SLC24A1: variants seen among roughly 807,000 people sequenced by gnomAD.
SLC24A1 encodes the protein solute carrier family 24 member 1.
Under a neutral mutation model 88.1 loss-of-function variants are expected in SLC24A1, and 52 were observed. The observed-to-expected ratio is 0.59, with a 90% confidence interval of 0.47 to 0.74. SLC24A1 has a LOEUF of 0.74. SLC24A1 is among the 30% of genes least tolerant of loss of function. The pLI, the probability that SLC24A1 is intolerant of heterozygous loss-of-function variation, is 0.00. For synonymous variants in SLC24A1, 455 were observed against 498.0 expected, an observed-to-expected ratio of 0.91 and a Z score of 1.15; for missense variants, 1,173 against 1,363.3, an observed-to-expected ratio of 0.86 and a Z score of 2.20.
intron 2 of SLC24A1, among the ~76,000 whole-genome samples, chr15:65,635,211 G>T (rs1488124410): frequency 6.6e-6 from 1 of 151,828 alleles, no homozygotes; most frequent in African/African-American, 2.4e-5. Context: ...TTGGCCAGGC[G>T]CAGTGGCTCA....
At position 65,638,132 on chromosome 15, in the gene SLC24A1, G is replaced by A. The variant is rs759802693; in HGVS notation, c.1895G>A (p.Gly632Asp). 1.2e-6 allele frequency: 2 copies of A among 1,609,612 alleles called. No individual in the cohort carries two copies. Among genetic ancestry groups the A allele is most frequent in the Non-Finnish European group, 1.7e-6 (2 of 1,177,756 alleles). Reference protein sequence around the residue: ...VMALEDLSKPGDGAIAVDELQ... With the variant: ...VMALEDLSKPDDGAIAVDELQ... ...GACTCCTCTCCCTGTTTGCAGCCGG[G>A]CGATGGGGCCATTGCGGTGGATGAG... is the stretch of plus-strand genomic sequence containing the variant. Residue 632 changes from glycine to aspartate, a missense_variant, in exon 3 of 10, where the codon GGC (glycine) becomes GAC (aspartate). Coordinates refer to ENST00000261892, the MANE Select transcript of SLC24A1 (RefSeq NM_004727.3).
chr15:65,614,268 A>C (rs896990693), intron 2 of SLC24A1, among the ~76,000 whole-genome samples: 4 of 152,210 alleles, frequency 2.6e-5, no homozygotes, highest in Non-Finnish European at 4.4e-5. Flanking sequence ...ATAACATTTT[A>C]TCCAGGAATA....
At chr15:65,628,828 G>A (rs2074606633) in intron 2 of SLC24A1, among the ~76,000 whole-genome samples, 1 of 152,212 alleles carries the variant, frequency 6.6e-6, no homozygotes, top group African/African-American at 2.4e-5. Flanking sequence ...GAAGGGACAA[G>A]CCTAGAGAAA....
At chr15:65,647,446 C>G (rs2075338653) in intron 6 of SLC24A1, among the ~76,000 whole-genome samples, 1 of 144,006 alleles carries the variant, frequency 6.9e-6, no homozygotes, top group African/African-American at 2.6e-5. Context: ...CCACTACACT[C>G]CAGCCTGGGT....
At chr15:65,652,222 CTA>C (rs1054363309) in intron 8 of SLC24A1, 132 of 302,022 alleles carry the variant, frequency 4.4e-4, no homozygotes, top group African/African-American at 2.7e-3. Context: ...AGATTAGGGT[CTA>C]TGTCATCCTG....
chr15:65,613,887 A>G (rs961196841), intron 2 of SLC24A1, among the ~76,000 whole-genome samples: 3 of 151,990 alleles, frequency 2.0e-5, no homozygotes, highest in African/African-American at 4.8e-5. Flanking sequence ...TCTCTTTTGC[A>G]TTCTTCCCGC....
chr15:65,617,076 G>T (rs2074169668), upstream of SLC24A1, among the ~76,000 whole-genome samples: 1 of 152,090 alleles, frequency 6.6e-6, no homozygotes, highest in Non-Finnish European at 1.5e-5. Context: ...CTGTTCCGTT[G>T]GTCTATATAT....
At chr15:65,630,278 C>G (rs1427894931) in intron 2 of SLC24A1, among the ~76,000 whole-genome samples, 2 of 152,204 alleles carry the variant, frequency 1.3e-5, no homozygotes, top group African/African-American at 4.8e-5. Context: ...GTGTGAGCCA[C>G]CACCACGCCT....
At chr15:65,619,209 C>T (rs1020420559), upstream of SLC24A1, among the ~76,000 whole-genome samples, 1 of 152,184 alleles carries the variant, frequency 6.6e-6, no homozygotes, top group Non-Finnish European at 1.5e-5. Context: ...ACAGCAGTTC[C>T]ATAAGGAAGC....
At chr15:65,656,695 G>A (rs1199012003), downstream of SLC24A1, among the ~76,000 whole-genome samples, 1 of 152,216 alleles carries the variant, frequency 6.6e-6, no homozygotes, top group Non-Finnish European at 1.5e-5. Flanking sequence ...TTGGAAGTCA[G>A]TGGCTACATG....
chr15:65,657,623 A>G (rs544482390), downstream of SLC24A1, among the ~76,000 whole-genome samples: 22 of 152,362 alleles, frequency 1.4e-4, no homozygotes, highest in South Asian at 1.0e-3. Flanking sequence ...CAGCCTGGGC[A>G]ACAGCGAGAC....
intron 2 of SLC24A1, among the ~76,000 whole-genome samples, chr15:65,634,311 G>A (rs553189547): frequency 4.3e-4 from 66 of 152,320 alleles, no homozygotes; most frequent in Non-Finnish European, 6.9e-4. Context: ...TGGAGGTCAG[G>A]AGGACAAGCC....
At chr15:65,645,539 T>G in intron 5 of SLC24A1, 73 bp from the exon 6 acceptor site, 2 of 1,139,250 alleles carry the variant, frequency 1.8e-6, no homozygotes, top group Non-Finnish European at 2.6e-6. Flanking sequence ...TAGCCACTTA[T>G]GCCAGTGTCT....
chr15:65,615,596 G>A (rs1300923528), intron 2 of SLC24A1, among the ~76,000 whole-genome samples: 2 of 151,982 alleles, frequency 1.3e-5, no homozygotes, highest in Admixed American at 1.3e-4. Context: ...CATGAGAATC[G>A]CCTGAATCCG....
chr15:65,641,704 C>A (rs1322637394), intron 4 of SLC24A1, among the ~76,000 whole-genome samples: 1 of 152,168 alleles, frequency 6.6e-6, no homozygotes, highest in Non-Finnish European at 1.5e-5. Context: ...CTGGCCAGGG[C>A]CCCATGAGGA....
chr15:65,656,481 T>A (rs2075687170), downstream of SLC24A1, among the ~76,000 whole-genome samples: 2 of 152,328 alleles, frequency 1.3e-5, no homozygotes, highest in East Asian at 1.9e-4. Flanking sequence ...GGAAATTAAA[T>A]TTTTTGGTCA....
downstream of SLC24A1, chr15:65,659,069 T>G (rs1225549650): frequency 6.6e-6 from 1 of 152,012 alleles, no homozygotes; most frequent in Non-Finnish European, 1.5e-5. Context: ...AAATACGATA[T>G]GGAATACAAA....
At chr15:65,659,330 T>C (rs955170942), downstream of SLC24A1, 10 of 125,380 alleles carry the variant, frequency 8.0e-5, no homozygotes, top group African/African-American at 2.6e-4. Context: ...TGGTTTTTTT[T>C]TTTTTTTTTT....
In SLC24A1 at chr15:65,654,707, CT is replaced by C. The variant is rs75137628; in HGVS notation, c.*643del. The stretch of plus-strand genomic sequence containing the variant: ...GCATCTGGATATATACCAGTATTTT[CT>C]TTTTTTTTTTTTTTGAGACAGAGTT... On this transcript the variant is annotated 3_prime_UTR_variant, in exon 10 of 10. Coordinates refer to ENST00000261892, the MANE Select transcript of SLC24A1 (RefSeq NM_004727.3). 166,974 of 984,188 alleles carry C rather than the reference CT, an allele frequency of 0.17. No homozygotes were observed. Among genetic ancestry groups the C allele is most frequent in the South Asian group, 0.18 (10,906 of 59,262 alleles). The allele number at this position is 984,188 out of a possible 1,614,324, so 61.0% of individuals were successfully genotyped here. A position where few individuals can be genotyped will look rare whatever the true frequency, so the allele number is the denominator to read the frequency against.
Sources: gnomAD v4.1 joint callset for allele counts (sites outside exome capture counted in the v4.1 genomes callset) on GRCh38, gnomAD v4.1.1 for gene constraint, MANE v1.5 for transcripts, NCBI Gene and HGNC (gene_info 2026-07-23, HGNC 2026-07-21) for gene names.